Variants in ZNF215 observed in about 807,000 individuals in gnomAD.
ZNF215 encodes BWSCR2-associated zinc finger protein 2.
A neutral mutation model predicts 27.2 loss-of-function variants in ZNF215; 24 were observed. The observed-to-expected ratio is 0.88, with a 90% CI of 0.64 to 1.24. The LOEUF is 1.24. Ranked by LOEUF, ZNF215 falls within the 50% of genes most tolerant of loss-of-function variation. ZNF215 has a pLI of 0.00. For missense variants in ZNF215, 675 were observed against 605.7 expected (o/e 1.11, Z -1.20); for synonymous variants, 210 against 204.0 (o/e 1.03, Z -0.25).
chr11:6,962,965 G>A (rs1349782646), downstream of ZNF215, among the ~76,000 whole-genome samples: 2 of 151,972 alleles, frequency 1.3e-5, no homozygotes, highest in Non-Finnish European at 1.5e-5. Context: ...TTTCTGAAGG[G>A]CCCTTGTATT....
At chr11:6,950,937 C>T (rs984513256) in intron 6 of ZNF215, among the ~76,000 whole-genome samples, 97 of 151,980 alleles carry the variant, frequency 6.4e-4, no homozygotes, top group Non-Finnish European at 1.3e-3. Context: ...GAGTTTTTAG[C>T]ATGAAGGGTT....
intron 6 of ZNF215, among the ~76,000 whole-genome samples, chr11:6,953,443 C>A (rs1850174250): frequency 6.6e-6 from 1 of 152,116 alleles, no homozygotes. Flanking sequence ...TCTTTTTATT[C>A]TTTTTTCTCT....
chr11:6,956,284 C>G lies in ZNF215; in HGVS notation c.1307C>G (p.Thr436Arg), dbSNP rs142017219. The G allele has an allele frequency of 1.7e-5, 27 of 1,614,026 alleles. No individual in the cohort carries two copies. The highest frequency in any genetic ancestry group is 1.7e-5 in the Non-Finnish European group (20 of 1,180,030). Residue 436 changes from threonine to arginine, a missense_variant, in exon 7 of 7, where the codon ACA (threonine) becomes AGA (arginine). Physicochemically the swap from Thr to Arg is moderately conservative, Grantham distance 71. Transcript: ENST00000278319. ...QKLHAEAKACTSNKCGKAFSK... is the reference protein window; with the variant it reads ...QKLHAEAKACRSNKCGKAFSK... ...CTTCATGCTGAAGCAAAGGCCTGCA[C>G]AAGCAATAAATGTGGAAAGGCCTTC...
chr11:6,993,672 C>A (rs1851144006), downstream of ZNF215, among the ~76,000 whole-genome samples: 1 of 152,154 alleles, frequency 6.6e-6, no homozygotes, highest in East Asian at 1.9e-4. Flanking sequence ...CTTCCTTATC[C>A]TATTTTTTGT....
intron 4 of ZNF215, 110 bp downstream of exon 4, chr11:6,941,763 A>G (rs1398514029): frequency 3.5e-6 from 4 of 1,142,988 alleles, no homozygotes; most frequent in Admixed American, 2.2e-5. Context: ...ATCCAAGAAC[A>G]TGAGACTTTT....
intron 6 of ZNF215, among the ~76,000 whole-genome samples, chr11:6,945,377 A>G (rs1460077651): frequency 6.6e-6 from 1 of 151,782 alleles, no homozygotes; most frequent in African/African-American, 2.4e-5. Flanking sequence ...TCAACCCTAC[A>G]TCCTCCTCTA....
At chr11:6,951,838 T>C (rs1850083712) in intron 6 of ZNF215, among the ~76,000 whole-genome samples, 1 of 152,174 alleles carries the variant, frequency 6.6e-6, no homozygotes, top group African/African-American at 2.4e-5. Context: ...GGTGTCAATT[T>C]TGGATCTTTC....
intron 5 of ZNF215, among the ~76,000 whole-genome samples, chr11:6,967,082 T>G (rs1432461108): frequency 6.6e-6 from 1 of 152,138 alleles, no homozygotes; most frequent in East Asian, 1.9e-4. Context: ...GTCCTTGTGT[T>G]AGTTTGCTGA....
At chr11:6,969,467 A>T (rs918344016) in intron 5 of ZNF215, among the ~76,000 whole-genome samples, 4 of 152,200 alleles carry the variant, frequency 2.6e-5, no homozygotes, top group Non-Finnish European at 4.4e-5. Flanking sequence ...CCAAAAGCAA[A>T]CAAGAAAATT....
At chr11:6,965,515 A>G (rs1850601144) in intron 5 of ZNF215, among the ~76,000 whole-genome samples, 1 of 152,136 alleles carries the variant, frequency 6.6e-6, no homozygotes, top group Non-Finnish European at 1.5e-5. Flanking sequence ...ATTTTGGGAA[A>G]TTTCACATCT....
chr11:6,941,164 T>A (rs942435780), intron 3 of ZNF215, among the ~76,000 whole-genome samples: 1 of 152,234 alleles, frequency 6.6e-6, no homozygotes, highest in Admixed American at 6.5e-5. Flanking sequence ...TAGAATTCTC[T>A]CTGGAGTGTT....
chr11:6,970,158 G>A (rs1907609), intron 5 of ZNF215, among the ~76,000 whole-genome samples: 34,197 of 152,080 alleles, frequency 0.22, 3,981 homozygotes, highest in Non-Finnish European at 0.25. Context: ...ATCTATTCAA[G>A]CTTCTAGGTC....
intron 3 of ZNF215, among the ~76,000 whole-genome samples, chr11:6,935,114 G>T (rs1467490112): frequency 6.6e-6 from 1 of 152,194 alleles, no homozygotes; most frequent in Non-Finnish European, 1.5e-5. Flanking sequence ...AAATGTATTA[G>T]CTACTGCTGT....
At chr11:6,975,304 T>C (rs902664090) in intron 5 of ZNF215, among the ~76,000 whole-genome samples, 1 of 151,994 alleles carries the variant, frequency 6.6e-6, no homozygotes, top group Non-Finnish European at 1.5e-5. Context: ...ACATGAGATA[T>C]TTTGATAGAG....
chr11:6,956,903 C>T lies in ZNF215; in HGVS notation c.*372C>T. The T allele has an allele frequency of 2.0e-6, 2 of 998,076 alleles. No homozygotes were observed. The highest frequency in any genetic ancestry group is 5.5e-5 in the Admixed American group (1 of 18,040). 61.8% of individuals were successfully genotyped at this position (998,076 alleles called of 1,614,324 possible). A position where few individuals can be genotyped will look rare whatever the true frequency, so the allele number is the denominator to read the frequency against. ...AGACATTAGGCAAAGCCAAACAATA[C>T]TCTTGGAGTTGATATTTAATAAAAC... On this transcript the variant is annotated 3_prime_UTR_variant, in exon 7 of 7. Coordinates refer to ENST00000278319, the MANE Select transcript of ZNF215 (RefSeq NM_013250.4).
At chr11:6,981,133 G>C (rs1434460013) in intron 5 of ZNF215, among the ~76,000 whole-genome samples, 3 of 150,878 alleles carry the variant, frequency 2.0e-5, no homozygotes, top group Non-Finnish European at 4.4e-5. Flanking sequence ...CCAGTAATGG[G>C]ATGGCTGGGT....
chr11:6,940,230 T>TAA (rs749709865), intron 3 of ZNF215, among the ~76,000 whole-genome samples: 6 of 133,296 alleles, frequency 4.5e-5, no homozygotes, highest in Non-Finnish European at 3.3e-5. Context: ...AGACCCTCTT[T>TAA]AAAAAAAAAA....
rs574510639 is a variant in ZNF215, at chr11:6,977,306, G to A, written c.806-6823G>A. ...CTCTGTCCCACCCAGTCCAGCACAG[G>A]ATGTGAATGATCCCTTTGTCCAGCA... On this transcript the variant is annotated intron_variant, in intron 5 of 5. Transcript: ENST00000529903. 2.2e-4 allele frequency among the ~76,000 whole-genome samples: 33 copies of A among 152,130 alleles called. No individual in the cohort carries two copies. In the South Asian group the frequency reaches 6.8e-3, roughly 32 times the overall value.
At chr11:6,974,375 T>C (rs1850786674) in intron 5 of ZNF215, among the ~76,000 whole-genome samples, 1 of 152,092 alleles carries the variant, frequency 6.6e-6, no homozygotes, top group Non-Finnish European at 1.5e-5. Flanking sequence ...CTTGGCCATG[T>C]GGGCTCTTTT....
Sources: allele counts gnomAD v4.1 joint callset (sites outside exome capture counted in the v4.1 genomes callset), GRCh38; gene constraint gnomAD v4.1.1; transcripts MANE v1.5; gene names NCBI Gene and HGNC (gene_info 2026-07-23, HGNC 2026-07-21).